PRRC2B: variants seen among roughly 807,000 people sequenced by gnomAD.
PRRC2B encodes the protein proline rich coiled-coil 2B.
In PRRC2B, 68 loss-of-function variants were observed where a neutral mutation model predicts 242.3. That is an observed-to-expected ratio of 0.28 (90% CI 0.23 to 0.34). The LOEUF (loss-of-function observed/expected upper bound fraction) is 0.34. Ranked by LOEUF, PRRC2B falls within the 10% of genes least tolerant of loss-of-function variation. PRRC2B has a pLI of 1.00. For synonymous variants in PRRC2B, 1,228 were observed against 1,173.6 expected (o/e 1.05, Z -0.95); for missense variants, 2,835 against 2,954.8 (o/e 0.96, Z 0.94).
chr9:131,463,657 T>A (rs1439833833), intron 11 of PRRC2B, among the ~76,000 whole-genome samples: 2 of 121,996 alleles, frequency 1.6e-5, no homozygotes, highest in Non-Finnish European at 3.3e-5. Flanking sequence ...CTTAATGGGA[T>A]CTAGCCTTGT....
Position 131,417,750 on chromosome 9 carries a change from C to CT in PRRC2B, c.-51-12343dup, listed in dbSNP as rs543337907. ...GCCCCCTGTATTCTAAATAGTGTGT[C>CT]TGTGAGTTGGATGGAATTGAATTAA... On this transcript the variant is annotated intron_variant, in intron 1 of 31. Coordinates refer to ENST00000683519, the MANE Select transcript of PRRC2B (RefSeq NM_013318.4). Among the ~76,000 whole-genome samples the CT allele has an allele frequency of 2.9e-3, 438 of 152,276 alleles. 1 individual carries two copies. The highest frequency in any genetic ancestry group is 0.014 in the Middle Eastern group (4 of 294).
chr9:131,483,354 T>C lies in PRRC2B; in HGVS notation c.5374-5T>C. Reference sequence around the variant, plus strand: ...TGGGCTGTGTGGCCTTTTTTATTTTTTCAGGACTCCGATTTCAGCTTGCCA... The same window carrying C: ...TGGGCTGTGTGGCCTTTTTTATTTTCTCAGGACTCCGATTTCAGCTTGCCA... On this transcript the variant is annotated splice_polypyrimidine_tract_variant and splice_region_variant and intron_variant, in intron 22 of 31. Transcript: ENST00000683519. The C allele has an allele frequency of 6.2e-7, 1 of 1,613,948 alleles. No individual in the cohort carries two copies.
chr9:131,486,569 T>G, intron 26 of PRRC2B: 3 of 974,622 alleles, frequency 3.1e-6, no homozygotes, highest in Non-Finnish European at 3.6e-6. Flanking sequence ...CAGGCGTTGG[T>G]TATTTATGCA....
chr9:131,445,056 C>G (rs1300793831), intron 6 of PRRC2B, among the ~76,000 whole-genome samples: 1 of 152,148 alleles, frequency 6.6e-6, no homozygotes, highest in Non-Finnish European at 1.5e-5. Flanking sequence ...CTCTCCCATT[C>G]AAGTCATAAG....
At chr9:131,435,019 C>T (rs937166458) in intron 3 of PRRC2B, among the ~76,000 whole-genome samples, 26 of 152,048 alleles carry the variant, frequency 1.7e-4, no homozygotes, top group African/African-American at 5.6e-4. Flanking sequence ...AATTCTTGGC[C>T]GGGTGCAGTG....
chr9:131,401,289 G>T (rs1249468878), intron 1 of PRRC2B, among the ~76,000 whole-genome samples: 1 of 151,700 alleles, frequency 6.6e-6, no homozygotes, highest in African/African-American at 2.4e-5. Flanking sequence ...TCTCCAGAAC[G>T]TTCTCATCTT....
intron 23 of PRRC2B, among the ~76,000 whole-genome samples, 170 bp downstream of exon 23, chr9:131,483,615 C>T (rs552053813): frequency 6.6e-6 from 1 of 152,304 alleles, no homozygotes; most frequent in African/African-American, 2.4e-5. Context: ...GGTTTTGTGA[C>T]CTTCCAGTGG....
intron 1 of PRRC2B, among the ~76,000 whole-genome samples, chr9:131,403,101 A>G (rs1038946732): frequency 2.0e-5 from 3 of 152,130 alleles, no homozygotes; most frequent in Non-Finnish European, 4.4e-5. Context: ...TGTTGTTTAC[A>G]TATGGTTCAG....
intron 1 of PRRC2B, among the ~76,000 whole-genome samples, chr9:131,428,002 A>T (rs1466871458): frequency 6.6e-6 from 1 of 151,780 alleles, no homozygotes; most frequent in African/African-American, 2.4e-5. Context: ...GCTCACTGCA[A>T]CCTCTGCCTC....
chr9:131,476,419 A>G lies in PRRC2B; in HGVS notation c.4290A>G (p.Arg1430=). 1 of 1,611,202 alleles carries G rather than the reference A, an allele frequency of 6.2e-7. No homozygotes were observed. The highest frequency in any genetic ancestry group is 8.5e-7 in the Non-Finnish European group (1 of 1,178,706). The part of the protein sequence containing the change: ...SFSSQRPVVD[R]QSRKLEPGGF... ...CCAGTCAGAGACCCGTGGTTGACAGACAGAGCCGAAAGCTGGAGCCGGGAG... is the reference window on the plus strand; with the variant it reads ...CCAGTCAGAGACCCGTGGTTGACAGGCAGAGCCGAAAGCTGGAGCCGGGAG... Residue 1430 remains arginine (R), a synonymous_variant, in exon 16 of 32, where the codon AGA becomes AGG. Transcript: ENST00000683519.
chr9:131,459,638 C>T (rs888627345), intron 11 of PRRC2B, among the ~76,000 whole-genome samples: 3 of 151,946 alleles, frequency 2.0e-5, no homozygotes, highest in African/African-American at 7.3e-5. Context: ...CTCCCACCCT[C>T]AAGCGATCCT....
intron 25 of PRRC2B, chr9:131,485,676 T>C (rs1944000947): frequency 1.8e-6 from 1 of 540,716 alleles, no homozygotes; most frequent in Non-Finnish European, 3.6e-6. Flanking sequence ...CTCAGTGATG[T>C]AATTCCAATA....
At chr9:131,470,722 G>A (rs1943519045) in intron 13 of PRRC2B, 66 bp from the exon 14 acceptor site, 2 of 1,354,834 alleles carry the variant, frequency 1.5e-6, no homozygotes, top group African/African-American at 2.9e-5. Context: ...GGAAGGGCGT[G>A]TGTTGGGTGG....
chr9:131,481,000 A>G (rs1334881869), intron 19 of PRRC2B, among the ~76,000 whole-genome samples: 1 of 151,650 alleles, frequency 6.6e-6, no homozygotes, highest in Non-Finnish European at 1.5e-5. Flanking sequence ...CCCTGTCTCT[A>G]TTGTTTAAAA....
At chr9:131,407,815 G>A (rs1436298807) in intron 1 of PRRC2B, among the ~76,000 whole-genome samples, 1 of 152,184 alleles carries the variant, frequency 6.6e-6, no homozygotes, top group African/African-American at 2.4e-5. Flanking sequence ...AGGGCACTGT[G>A]TGACCCTGGT....
intron 19 of PRRC2B, among the ~76,000 whole-genome samples, chr9:131,481,167 G>A (rs922848940): frequency 3.1e-4 from 47 of 151,626 alleles, no homozygotes; most frequent in African/African-American, 9.5e-4. Flanking sequence ...AAAATTAGCC[G>A]GGCGTGGTGG....
intron 3 of PRRC2B, among the ~76,000 whole-genome samples, chr9:131,435,720 AGTTGT>A (rs1196605352): frequency 2.0e-5 from 3 of 152,128 alleles, no homozygotes; most frequent in African/African-American, 7.2e-5. Context: ...TGACCTGTCT[AGTTGT>A]GTTGTGTGCT....
intron 1 of PRRC2B, among the ~76,000 whole-genome samples, chr9:131,406,741 A>G (rs1024470027): frequency 4.6e-5 from 7 of 152,212 alleles, no homozygotes; most frequent in Middle Eastern, 3.4e-3. Flanking sequence ...TGTTGATACT[A>G]TGTTGCTCAG....
Position 131,494,833 on chromosome 9 carries a change from C to T in PRRC2B, c.6555+347C>T, listed in dbSNP as rs1016772107. ...GGTCGGCTTTAGGAGCCGGGGTGCG[C>T]GCGCTGGTTCTAGTCAGTGGTGTGT... On this transcript the variant is annotated intron_variant, in intron 31 of 31. Coordinates refer to ENST00000683519, the MANE Select transcript of PRRC2B (RefSeq NM_013318.4). The surrounding 1 kb of genome is among the most constrained non-coding windows in gnomAD (Gnocchi z 4.3). 1.3e-5 allele frequency among the ~76,000 whole-genome samples: 2 copies of T among 152,030 alleles called. No homozygotes were observed. Among genetic ancestry groups the T allele is most frequent in the African/African-American group, 4.8e-5 (2 of 41,390 alleles).
Sources: gnomAD v4.1 joint callset for allele counts (sites outside exome capture counted in the v4.1 genomes callset) on GRCh38, gnomAD v4.1.1 for gene constraint, Gnocchi (gnomAD v3.1) non-coding constraint, MANE v1.5 for transcripts, NCBI Gene and HGNC (gene_info 2026-07-23, HGNC 2026-07-21) for gene names.